Variants in CORO7 observed in about 807,000 individuals in gnomAD.
CORO7 encodes coronin 7.
A neutral mutation model predicts 126.6 loss-of-function variants in CORO7; 107 were observed. That is an observed-to-expected ratio of 0.85 (90% CI 0.72 to 0.99). CORO7 has a LOEUF of 0.99. Among genes scored for constraint, CORO7 ranks in the 50% least tolerant of loss-of-function variants. CORO7 has a pLI of 0.00. For missense variants in CORO7, 1,314 were observed against 1,255.8 expected, an observed-to-expected ratio of 1.05 and a Z score of -0.70; for synonymous variants, 603 against 536.8, an observed-to-expected ratio of 1.12 and a Z score of -1.70.
At position 4,408,206 on chromosome 16, in the gene CORO7, AGGAG is replaced by A; in HGVS notation, c.274_277del (p.Leu92TrpfsTer10). On this transcript the variant is annotated frameshift_variant, in exon 4 of 28. Coordinates refer to ENST00000251166, the MANE Select transcript of CORO7 (RefSeq NM_024535.5). LOFTEE classifies it high-confidence loss of function. ...CGTCCTGTCAGCCGAGCCTGTGGCC[AGGAG>A]GAAGTCATCAAAGGGCGAGAAGTCC... 6.2e-7 allele frequency: 1 copy of A among 1,614,224 alleles called. No individual in the cohort carries two copies. Among genetic ancestry groups the A allele is most frequent in the Non-Finnish European group, 8.5e-7 (1 of 1,180,020 alleles).
intron 9 of CORO7, chr16:4,382,690 A>T (rs1186848745): frequency 6.5e-7 from 1 of 1,547,064 alleles, no homozygotes; most frequent in African/African-American, 1.4e-5. Flanking sequence ...GGGGCGGGCC[A>T]TGGCAGCAGC....
intron 27 of CORO7, 46 bp downstream of exon 27, chr16:4,355,240 G>A (rs756653516): frequency 8.1e-6 from 13 of 1,608,876 alleles, no homozygotes; most frequent in Admixed American, 1.7e-5. Context: ...TGGCATGTGC[G>A]AGGGACCGCG....
intron 7 of CORO7, 113 bp from the exon 8 acceptor site, chr16:4,388,744 C>T (rs955098540): frequency 1.6e-5 from 19 of 1,200,578 alleles, no homozygotes; most frequent in Admixed American, 4.4e-5. Flanking sequence ...GAAAGCCTCA[C>T]AGAGGGTGGG....
chr16:4,388,424 T>C (rs1022131228), intron 8 of CORO7, 121 bp downstream of exon 8: 20 of 1,116,512 alleles, frequency 1.8e-5, no homozygotes, highest in Non-Finnish European at 2.3e-5. Flanking sequence ...AGCCAGGCCG[T>C]ATATGGACAG....
chr16:4,387,328 G>T (rs572539419), intron 9 of CORO7, among the ~76,000 whole-genome samples: 11 of 152,230 alleles, frequency 7.2e-5, no homozygotes, highest in Admixed American at 2.6e-4. Context: ...TGCCTGGCCA[G>T]GACCCCGCCA....
intron 3 of CORO7, among the ~76,000 whole-genome samples, chr16:4,409,863 C>T (rs1209454215): frequency 1.3e-5 from 2 of 152,232 alleles, no homozygotes; most frequent in Non-Finnish European, 2.9e-5. Context: ...CCATTTCTCC[C>T]GACACCGGCA....
intron 9 of CORO7, chr16:4,382,747 C>T (rs747038349): frequency 6.4e-7 from 1 of 1,557,918 alleles, no homozygotes; most frequent in East Asian, 2.4e-5. Flanking sequence ...GCCCCTGGAA[C>T]TGGAGGGAGT....
At chr16:4,370,208 C>T (rs907014081) in intron 9 of CORO7, among the ~76,000 whole-genome samples, 3 of 152,208 alleles carry the variant, frequency 2.0e-5, no homozygotes, top group African/African-American at 7.2e-5. Context: ...CTTCAGAGGA[C>T]ACAGGGCCAA....
chr16:4,357,772 G>A (rs555029933), intron 25 of CORO7, 196 bp downstream of exon 25: 154 of 908,810 alleles, frequency 1.7e-4, no homozygotes, highest in Admixed American at 2.4e-4. Flanking sequence ...TGTGTTAGGG[G>A]TGGGGACCTG....
rs113640236 is a variant in CORO7 at position 4,359,512 on chromosome 16, G to A, written c.2218C>T (p.Pro740Ser). 1.4e-3 allele frequency: 2,195 copies of A among 1,613,476 alleles called. 34 individuals carry two copies. The African/African-American group carries it at 0.026, about 19-fold the overall frequency. ...GTCAGGAGCACCAGGCCAGTGTCTG[G>A]GTCGTAGCTGGGCAGCAGGGTTGAG... ...APSTLLPSYD[P>S]DTGLVLLTGK... Residue 740 changes from proline to serine, a missense_variant, in exon 22 of 28, where the codon CCA becomes TCA. Physicochemically the swap from Pro to Ser is moderately conservative, Grantham distance 74 (BLOSUM62 -1). Coordinates refer to ENST00000251166, the MANE Select transcript of CORO7 (RefSeq NM_024535.5).
intron 1 of CORO7, among the ~76,000 whole-genome samples, chr16:4,414,003 A>G (rs548771823): frequency 1.3e-5 from 2 of 151,738 alleles, no homozygotes; most frequent in Admixed American, 6.6e-5. Flanking sequence ...CCTGGCCAAC[A>G]TGGTGAAACC....
Position 4,362,230 on chromosome 16 carries a change from C to G in CORO7, c.1403-70G>C. The G allele has an allele frequency of 1.3e-6, 2 of 1,524,200 alleles. No homozygotes were observed. The highest frequency in any genetic ancestry group is 2.5e-5 in the South Asian group (2 of 78,876). The allele number at this position is 1,524,200 out of a possible 1,614,324, so 94.4% of individuals were successfully genotyped here. On this transcript the variant is annotated intron_variant, in intron 15 of 27. Coordinates refer to ENST00000251166, the MANE Select transcript of CORO7 (RefSeq NM_024535.5). The surrounding 1 kb of genome is among the most constrained non-coding windows in gnomAD (Gnocchi z 5.3). ...CCCGCCCGCCCTGCACTCTTTGAGT[C>G]CCGGCTGCCCACTCCCCTCACCCCA...
At chr16:4,368,277 G>A (rs1359906871) in intron 9 of CORO7, among the ~76,000 whole-genome samples, 3 of 152,102 alleles carry the variant, frequency 2.0e-5, no homozygotes, top group African/African-American at 4.8e-5. Flanking sequence ...AACCCGGCAG[G>A]TGGAGTTTGC....
At chr16:4,387,759 T>A (rs2141263745) in intron 9 of CORO7, 1 of 589,746 alleles carries the variant, frequency 1.7e-6, no homozygotes, top group Non-Finnish European at 3.0e-6. Context: ...AAGGGCCCAC[T>A]CTGCTACCAG....
intron 6 of CORO7, among the ~76,000 whole-genome samples, chr16:4,397,675 G>A (rs1197193846): frequency 1.3e-5 from 2 of 151,924 alleles, no homozygotes; most frequent in African/African-American, 2.4e-5. Flanking sequence ...GTGCAGTGGC[G>A]CGATCTCGGC....
chr16:4,365,585 G>A, intron 9 of CORO7, 40 bp from the exon 10 acceptor site: 1 of 1,558,190 alleles, frequency 6.4e-7, no homozygotes, highest in Non-Finnish European at 8.7e-7. Context: ...AGGGCAGTGG[G>A]AGGGCTGCCA....
intron 9 of CORO7, among the ~76,000 whole-genome samples, chr16:4,376,290 C>T (rs1364682113): frequency 6.6e-6 from 1 of 152,216 alleles, no homozygotes; most frequent in African/African-American, 2.4e-5. Flanking sequence ...GCCAGCCGTC[C>T]TGGCCGCCGG....
intron 6 of CORO7, among the ~76,000 whole-genome samples, chr16:4,395,740 C>T (rs984848604): frequency 6.6e-6 from 1 of 152,210 alleles, no homozygotes; most frequent in Admixed American, 6.5e-5. Flanking sequence ...GTCAGCGCCC[C>T]ACACATGCTC....
Position 4,360,377 on chromosome 16 carries a change from T to A in CORO7, c.2023-14A>T. The A allele has an allele frequency of 1.9e-6, 3 of 1,613,438 alleles. No homozygotes were observed. The highest frequency in any genetic ancestry group is 2.2e-5 in the East Asian group (1 of 44,854). On this transcript the variant is annotated splice_polypyrimidine_tract_variant and intron_variant, in intron 20 of 27. Transcript: ENST00000251166. ...CCCTGGGCCTTCCTGTTGAGATACA[T>A]CGCGTGACACCCAGCCAGCACCCCT...
Sources: allele counts gnomAD v4.1 joint callset (sites outside exome capture counted in the v4.1 genomes callset), GRCh38; gene constraint gnomAD v4.1.1; non-coding constraint Gnocchi (gnomAD v3.1); transcripts MANE v1.5; gene names NCBI Gene and HGNC (gene_info 2026-07-23, HGNC 2026-07-21).